Variants in CACNB4 observed in about 807,000 individuals in gnomAD.
CACNB4 encodes the protein voltage-dependent L-type calcium channel subunit beta-4.
In CACNB4, 32 loss-of-function variants were observed where a neutral mutation model predicts 71.2. That is an observed-to-expected ratio of 0.45 (90% confidence interval 0.34 to 0.60). The LOEUF (loss-of-function observed/expected upper bound fraction) is 0.60, where lower values mean the gene tolerates loss of function less well. CACNB4 is among the 20% of genes least tolerant of loss of function. The pLI is 0.01. For missense variants in CACNB4, 464 were observed against 647.9 expected (o/e 0.72, Z 3.08); for synonymous variants, 231 against 236.9 (o/e 0.97, Z 0.23).
upstream of CACNB4, chr2:152,099,119 T>G: frequency 1.5e-6 from 1 of 650,778 alleles, no homozygotes; most frequent in Non-Finnish European, 2.5e-6. Flanking sequence ...CCCACCCGGC[T>G]CCAGGACCCG....
intron 2 of CACNB4, among the ~76,000 whole-genome samples, chr2:151,945,690 TG>T (rs1432378028): frequency 6.6e-6 from 1 of 152,026 alleles, no homozygotes; most frequent in East Asian, 1.9e-4. Flanking sequence ...ATGGCGATAA[TG>T]TTAGTACATA....
intron 12 of CACNB4, chr2:151,851,121 A>C (rs903818226): frequency 6.6e-6 from 1 of 152,232 alleles, no homozygotes; most frequent in Non-Finnish European, 1.5e-5. Flanking sequence ...TAAAGGAATT[A>C]AAATGACACA....
intron 2 of CACNB4, among the ~76,000 whole-genome samples, chr2:151,998,730 T>C (rs893937758): frequency 6.6e-6 from 1 of 152,202 alleles, no homozygotes; most frequent in Non-Finnish European, 1.5e-5. Flanking sequence ...TCTGCATCAT[T>C]GGAATGCTGT....
At chr2:151,960,400 G>C (rs540182115) in intron 2 of CACNB4, among the ~76,000 whole-genome samples, 1 of 152,122 alleles carries the variant, frequency 6.6e-6, no homozygotes, top group Non-Finnish European at 1.5e-5. Context: ...GCCTGGCTTT[G>C]ACCCTGCAGA....
At chr2:152,055,077 T>C (rs1311968460) in intron 2 of CACNB4, among the ~76,000 whole-genome samples, 1 of 152,210 alleles carries the variant, frequency 6.6e-6, no homozygotes, top group Non-Finnish European at 1.5e-5. Flanking sequence ...AGTGGCACAA[T>C]CTCAGCTCAC....
At chr2:151,926,368 A>G (rs1218888502) in intron 2 of CACNB4, among the ~76,000 whole-genome samples, 3 of 152,222 alleles carry the variant, frequency 2.0e-5, no homozygotes, top group Non-Finnish European at 2.9e-5. Context: ...TATGGAAGTC[A>G]TTGGCAACCC....
At chr2:151,955,962 A>C (rs1012550161) in intron 2 of CACNB4, among the ~76,000 whole-genome samples, 7 of 152,176 alleles carry the variant, frequency 4.6e-5, no homozygotes, top group African/African-American at 1.7e-4. Context: ...AAAGTCTATA[A>C]AGTCTATAAA....
intron 2 of CACNB4, among the ~76,000 whole-genome samples, chr2:152,016,489 C>T (rs1230707730): frequency 6.6e-6 from 1 of 152,202 alleles, no homozygotes; most frequent in Non-Finnish European, 1.5e-5. Flanking sequence ...AAAGCCACTA[C>T]TCTGGTTTGA....
chr2:151,989,030 C>T (rs1003325906), intron 2 of CACNB4, among the ~76,000 whole-genome samples: 1 of 152,156 alleles, frequency 6.6e-6, no homozygotes, highest in African/African-American at 2.4e-5. Flanking sequence ...TATCCTGTTC[C>T]ACCCCACAAA....
intron 2 of CACNB4, among the ~76,000 whole-genome samples, chr2:151,953,770 A>G (rs2099867513): frequency 1.3e-5 from 2 of 152,212 alleles, no homozygotes; most frequent in African/African-American, 2.4e-5. Flanking sequence ...GACTCTTTTA[A>G]GAGTTATCAT....
chr2:151,864,790 T>C (rs543622197), intron 9 of CACNB4, among the ~76,000 whole-genome samples: 1 of 152,336 alleles, frequency 6.6e-6, no homozygotes, highest in African/African-American at 2.4e-5. Flanking sequence ...AAGCGCATTC[T>C]TAAATAATTA....
At chr2:151,839,861 AATT>A (rs1326286302) in intron 13 of CACNB4, among the ~76,000 whole-genome samples, 1 of 152,218 alleles carries the variant, frequency 6.6e-6, no homozygotes, top group Non-Finnish European at 1.5e-5. Flanking sequence ...ATTTTAATAA[AATT>A]ATTATTTGTG....
At chr2:152,080,489 G>A (rs1687302333) in intron 2 of CACNB4, among the ~76,000 whole-genome samples, 1 of 152,094 alleles carries the variant, frequency 6.6e-6, no homozygotes, top group South Asian at 2.1e-4. Flanking sequence ...TTTCAGGGTG[G>A]GAAATTTGTG....
intron 4 of CACNB4, among the ~76,000 whole-genome samples, chr2:151,877,058 G>GCTATATATACACATAGATAT (rs200212396): frequency 1.4e-5 from 2 of 146,014 alleles, no homozygotes; most frequent in Non-Finnish European, 3.0e-5. Flanking sequence ...CACATAGATA[G>GCTATATATACACATAGATAT]CTATATATAC....
chr2:151,905,833 A>T (rs753485473), intron 2 of CACNB4, among the ~76,000 whole-genome samples: 14 of 152,252 alleles, frequency 9.2e-5, no homozygotes, highest in Non-Finnish European at 1.9e-4. Context: ...ACTGTCTAAA[A>T]CAATTTCATA....
intron 2 of CACNB4, among the ~76,000 whole-genome samples, chr2:152,000,669 T>C (rs1381096324): frequency 1.3e-5 from 2 of 152,170 alleles, no homozygotes; most frequent in Admixed American, 6.5e-5. Context: ...TTGTCCAAAC[T>C]GGAAACCTGA....
intron 2 of CACNB4, among the ~76,000 whole-genome samples, chr2:152,014,077 T>G (rs1683207925): frequency 6.6e-6 from 1 of 152,220 alleles, no homozygotes. Flanking sequence ...ATGTGGTGGC[T>G]CATGCCTGCA....
chr2:151,998,301 G>A (rs892815107), intron 2 of CACNB4, among the ~76,000 whole-genome samples: 1 of 131,968 alleles, frequency 7.6e-6, no homozygotes, highest in African/African-American at 3.1e-5. Flanking sequence ...ATCCAGCCTG[G>A]GCAACTCCAT....
chr2:152,037,100 C>G (rs116116836), intron 2 of CACNB4, among the ~76,000 whole-genome samples: 1 of 152,148 alleles, frequency 6.6e-6, no homozygotes, highest in Non-Finnish European at 1.5e-5. Context: ...TTGATTCTTG[C>G]GGGGGCATAG....
Sources: allele counts gnomAD v4.1 joint callset (sites outside exome capture counted in the v4.1 genomes callset), GRCh38; gene constraint gnomAD v4.1.1; transcripts MANE v1.5; gene names NCBI Gene and HGNC (gene_info 2026-07-23, HGNC 2026-07-21).